The following MICU2 variants were observed in gnomAD, a reference collection of about 807,000 sequenced individuals.
The protein encoded by MICU2 is mitochondrial calcium uptake 2.
MICU2 carries 64 observed loss-of-function variants against 60.4 expected under a neutral mutation model. The observed-to-expected ratio is 1.06, with a 90% CI of 0.87 to 1.31. The LOEUF (loss-of-function observed/expected upper bound fraction) is 1.31. Ranked by LOEUF, MICU2 falls within the 50% of genes most tolerant of loss-of-function variation. The probability of loss-of-function intolerance (pLI) is 0.00; values close to 1 mark genes in which losing one functional copy is unlikely to be tolerated. For missense variants in MICU2, 569 were observed against 531.0 expected (o/e 1.07, Z -0.70); for synonymous variants, 201 against 175.0 (o/e 1.15, Z -1.17).
At position 21,496,044 on chromosome 13, in the gene MICU2, T is replaced by A; in HGVS notation, c.1042+8A>T. On this transcript the variant is annotated splice_region_variant and intron_variant, in intron 10 of 11. Coordinates refer to ENST00000382374, the MANE Select transcript of MICU2 (RefSeq NM_152726.3). ...GATAAAAATTAAATGGTTTTTCATA[T>A]AACTTACCTAGTCTGACAGGACGAT... 6.3e-7 allele frequency: 1 copy of A among 1,594,964 alleles called. No individual in the cohort carries two copies. Among genetic ancestry groups the A allele is most frequent in the Non-Finnish European group, 8.6e-7 (1 of 1,168,188 alleles).
In MICU2 at chr13:21,566,773, A is replaced by T. The variant is rs75781856; in HGVS notation, c.358+24T>A. ...GCCCTGAAGTCTGATTTTTTTAATTAAAAAAAAAAAAGACCCAACTCACGT... is the reference window on the plus strand; with the variant it reads ...GCCCTGAAGTCTGATTTTTTTAATTTAAAAAAAAAAAGACCCAACTCACGT... On this transcript the variant is annotated intron_variant, in intron 2 of 11. Coordinates refer to ENST00000382374, the MANE Select transcript of MICU2 (RefSeq NM_152726.3). 3.2e-4 allele frequency: 73 copies of T among 231,228 alleles called. 1 individual carries two copies. Among genetic ancestry groups the T allele is most frequent in the African/African-American group, 1.5e-3 (43 of 29,006 alleles). The allele number at this position is 231,228 out of a possible 1,614,324, so 14.3% of individuals were successfully genotyped here. A position where few individuals can be genotyped will look rare whatever the true frequency, so the allele number is the denominator to read the frequency against.
At chr13:21,509,044 T>G (rs1886363943) in intron 8 of MICU2, among the ~76,000 whole-genome samples, 1 of 152,244 alleles carries the variant, frequency 6.6e-6, no homozygotes, top group Non-Finnish European at 1.5e-5. Context: ...TAAATCTTTA[T>G]TAAACTAGAT....
intron 1 of MICU2, among the ~76,000 whole-genome samples, chr13:21,591,691 A>C (rs1269481551): frequency 6.6e-6 from 1 of 152,212 alleles, no homozygotes; most frequent in Non-Finnish European, 1.5e-5. Flanking sequence ...CCACAGTGCA[A>C]TCAAATTAGA....
intron 2 of MICU2, among the ~76,000 whole-genome samples, chr13:21,554,001 A>G (rs1380833686): frequency 6.6e-6 from 1 of 152,180 alleles, no homozygotes; most frequent in Non-Finnish European, 1.5e-5. Context: ...ATATATATGC[A>G]CCCAATACAG....
intron 7 of MICU2, 122 bp from the exon 8 acceptor site, chr13:21,510,223 C>CAAA (rs1424663149): frequency 2.5e-5 from 11 of 446,836 alleles, no homozygotes; most frequent in Non-Finnish European, 3.7e-6. Context: ...ACAACAACAA[C>CAAA]AAAAGTTGTA....
In MICU2 at chr13:21,603,924, G is replaced by A. The variant is rs368414866; in HGVS notation, c.210+15C>T. On this transcript the variant is annotated intron_variant, in intron 1 of 11. Transcript: ENST00000382374. ...GGAGCTTGACTGGGGCTAGCAGAAG[G>A]AGTTAGTCCTGTACCTGTGCGGAGA... The A allele has an allele frequency of 2.3e-5, 37 of 1,611,168 alleles. No individual in the cohort carries two copies. The African/African-American group carries it at 2.7e-4, about 12-fold the overall frequency.
chr13:21,538,357 C>A (rs1485157766), intron 4 of MICU2, among the ~76,000 whole-genome samples: 1 of 151,660 alleles, frequency 6.6e-6, no homozygotes, highest in Non-Finnish European at 1.5e-5. Flanking sequence ...ACTGCTTGAG[C>A]CCAGGAGTTT....
intron 1 of MICU2, among the ~76,000 whole-genome samples, chr13:21,593,206 T>C (rs2138071766): frequency 6.6e-6 from 1 of 152,122 alleles, no homozygotes; most frequent in South Asian, 2.1e-4. Context: ...TCACAAGCAC[T>C]CCTTTACAAC....
chr13:21,546,030 T>TA (rs1024820839), intron 2 of MICU2, among the ~76,000 whole-genome samples: 8 of 151,974 alleles, frequency 5.3e-5, no homozygotes, highest in Middle Eastern at 3.2e-3. Flanking sequence ...ATGGGTCAGT[T>TA]AAAAAAAATC....
intron 2 of MICU2, among the ~76,000 whole-genome samples, chr13:21,566,505 T>G (rs1887985525): frequency 6.6e-6 from 1 of 151,840 alleles, no homozygotes; most frequent in African/African-American, 2.4e-5. Context: ...GTTTCATTTT[T>G]TTTTTTGGCC....
chr13:21,495,078 A>T, intron 11 of MICU2, 83 bp downstream of exon 11: 1 of 1,009,460 alleles, frequency 9.9e-7, no homozygotes, highest in Non-Finnish European at 1.4e-6. Context: ...ACTCCATTTA[A>T]AGACTGTACA....
chr13:21,495,163 A>T lies in MICU2; in HGVS notation c.1198T>A (p.Trp400Arg), dbSNP rs767084064. Reference sequence around the variant, plus strand: ...ATTATATAAAAAAAATCTGTTACCCATAAACCTCGATGCATTCTGTTTTTT... The same window carrying T: ...ATTATATAAAAAAAATCTGTTACCCTTAAACCTCGATGCATTCTGTTTTTT... Reference protein sequence around the residue: ...VLKNRMHRGLWVPQHQSIQEY... With the variant: ...VLKNRMHRGLRVPQHQSIQEY... The change falls in exon 11 of 12, where the codon TGG becomes AGG. Residue 400 changes from tryptophan to arginine, a missense_variant and splice_region_variant. By Grantham distance (101) the Trp-to-Arg change is moderately radical. Coordinates refer to ENST00000382374, the MANE Select transcript of MICU2 (RefSeq NM_152726.3). 5 of 1,598,634 alleles carry T rather than the reference A, an allele frequency of 3.1e-6. No individual in the cohort carries two copies. Among genetic ancestry groups the T allele is most frequent in the Non-Finnish European group, 4.3e-6 (5 of 1,174,716 alleles).
In MICU2 at chr13:21,560,981, C is replaced by T. The variant is rs1593345268; in HGVS notation, c.358+5816G>A. 2.0e-5 allele frequency among the ~76,000 whole-genome samples: 3 copies of T among 152,352 alleles called. No homozygotes were observed. The South Asian group carries it at 6.2e-4, about 32-fold the overall frequency. ...TCTCTTCTAGGGACCAAATACTCTT[C>T]TGAAGATGCCAGCTTCACTTTCATT... On this transcript the variant is annotated intron_variant, in intron 2 of 11. Transcript: ENST00000382374.
intron 5 of MICU2, among the ~76,000 whole-genome samples, chr13:21,522,145 C>T (rs993896613): frequency 6.6e-6 from 1 of 152,172 alleles, no homozygotes; most frequent in Non-Finnish European, 1.5e-5. Context: ...TCGACTTAAT[C>T]TGGGTTTTAT....
intron 4 of MICU2, among the ~76,000 whole-genome samples, chr13:21,528,980 C>T (rs201183098): frequency 5.8e-4 from 88 of 152,100 alleles, no homozygotes; most frequent in African/African-American, 1.7e-3. Flanking sequence ...CGTAAAAAGA[C>T]GTGGCACACT....
chr13:21,574,969 T>G (rs1448164364), intron 1 of MICU2, among the ~76,000 whole-genome samples: 9 of 152,160 alleles, frequency 5.9e-5, no homozygotes, highest in Admixed American at 5.9e-4. Context: ...CACAATACAT[T>G]CTACAAAATG....
At chr13:21,562,233 G>A (rs1450113961) in intron 2 of MICU2, among the ~76,000 whole-genome samples, 3 of 152,096 alleles carry the variant, frequency 2.0e-5, no homozygotes, top group Non-Finnish European at 2.9e-5. Context: ...ACCCAGTGAT[G>A]GGATGGCTGG....
At chr13:21,552,683 G>C (rs1887602396) in intron 2 of MICU2, among the ~76,000 whole-genome samples, 1 of 152,128 alleles carries the variant, frequency 6.6e-6, no homozygotes. Flanking sequence ...TTATTAAATA[G>C]GGAATCTTCT....
At chr13:21,515,570 G>T in intron 6 of MICU2, 1 of 434,592 alleles carries the variant, frequency 2.3e-6, no homozygotes, top group Non-Finnish European at 4.6e-6. Flanking sequence ...TCCTCATATG[G>T]AAAGCAAATT....
Sources: gnomAD v4.1 joint callset for allele counts (sites outside exome capture counted in the v4.1 genomes callset) on GRCh38, gnomAD v4.1.1 for gene constraint, MANE v1.5 for transcripts, NCBI Gene and HGNC (gene_info 2026-07-23, HGNC 2026-07-21) for gene names.